Variants in COL11A1 observed in about 807,000 individuals in gnomAD.
COL11A1 encodes collagen alpha-1(XI) chain.
A neutral mutation model predicts 265.2 loss-of-function variants in COL11A1; 74 were observed. The observed-to-expected ratio is 0.28, with a 90% CI of 0.23 to 0.34. COL11A1 has a LOEUF of 0.34. COL11A1 is among the 10% of genes least tolerant of loss of function. The pLI is 1.00. For synonymous variants in COL11A1, 816 were observed against 727.6 expected, an observed-to-expected ratio of 1.12 and a Z score of -1.96; for missense variants, 2,165 against 2,263.6, an observed-to-expected ratio of 0.96 and a Z score of 0.88.
chr1:103,091,437 T>C (rs1356851843), intron 1 of COL11A1, among the ~76,000 whole-genome samples: 1 of 152,094 alleles, frequency 6.6e-6, no homozygotes, highest in African/African-American at 2.4e-5. Flanking sequence ...GAACCCTTTT[T>C]GGATGAAATT....
intron 1 of COL11A1, among the ~76,000 whole-genome samples, chr1:103,094,527 C>A (rs761134187): frequency 2.6e-5 from 4 of 152,018 alleles, no homozygotes; most frequent in Admixed American, 1.3e-4. Flanking sequence ...GGTGTGTCTG[C>A]GTCTCCTGCC....
At chr1:103,008,334 A>C in intron 15 of COL11A1, 129 bp downstream of exon 15, 2 of 709,270 alleles carry the variant, frequency 2.8e-6, no homozygotes, top group South Asian at 1.8e-5. Context: ...ATTTCAAAAT[A>C]AACCCTCATA....
chr1:103,029,140 G>A (rs796193837), intron 5 of COL11A1, among the ~76,000 whole-genome samples: 12 of 152,074 alleles, frequency 7.9e-5, no homozygotes, highest in African/African-American at 2.6e-4. Flanking sequence ...CTACTTAGAG[G>A]ATACTAAGTA....
At chr1:102,931,612 C>A (rs1657455490) in intron 46 of COL11A1, among the ~76,000 whole-genome samples, 1 of 152,032 alleles carries the variant, frequency 6.6e-6, no homozygotes, top group African/African-American at 2.4e-5. Flanking sequence ...ATTAGGTCCA[C>A]TTGGTGCAGA....
intron 57 of COL11A1, among the ~76,000 whole-genome samples, chr1:102,891,253 A>AAT (rs1651741634): frequency 6.6e-6 from 1 of 152,132 alleles, no homozygotes; most frequent in Non-Finnish European, 1.5e-5. Context: ...ATTCATGAAG[A>AAT]AGTTAGAGAT....
rs376888773 is a variant in COL11A1 at position 102,946,973 on chromosome 1, G to T, written c.3169-17C>A. The stretch of plus-strand genomic sequence containing the variant: ...TGGTGAGCCCTAGTATACAGGAAAA[G>T]AAGTATTTTGTTATTAAAGAAAGTA... On this transcript the variant is annotated splice_polypyrimidine_tract_variant and intron_variant, in intron 41 of 66. Transcript: ENST00000370096. The T allele has an allele frequency of 7.5e-6, 12 of 1,591,002 alleles. No homozygotes were observed. The highest frequency in any genetic ancestry group is 1.0e-5 in the Non-Finnish European group (12 of 1,163,188).
chr1:103,060,090 A>C (rs1252572790), intron 4 of COL11A1, among the ~76,000 whole-genome samples: 1 of 152,140 alleles, frequency 6.6e-6, no homozygotes, highest in East Asian at 1.9e-4. Flanking sequence ...GATAAATTTA[A>C]AAATATTAAA....
intron 4 of COL11A1, among the ~76,000 whole-genome samples, chr1:103,034,698 G>C (rs1668228684): frequency 6.6e-6 from 1 of 151,842 alleles, no homozygotes; most frequent in African/African-American, 2.4e-5. Context: ...CTTCTTCAAG[G>C]ACAGATCCTC....
At chr1:102,965,822 C>A (rs938946534) in intron 37 of COL11A1, among the ~76,000 whole-genome samples, 1 of 152,040 alleles carries the variant, frequency 6.6e-6, no homozygotes, top group African/African-American at 2.4e-5. Context: ...CTAGGTCAAA[C>A]AACATACAGA....
At chr1:102,941,298 T>C (rs968254219) in intron 42 of COL11A1, among the ~76,000 whole-genome samples, 1 of 152,174 alleles carries the variant, frequency 6.6e-6, no homozygotes, top group African/African-American at 2.4e-5. Context: ...GTATCCTTGT[T>C]CTGAGCTACT....
chr1:103,062,179 C>A lies in COL11A1; in HGVS notation c.651+12439G>T, dbSNP rs371916769. Among the ~76,000 whole-genome samples, 30 of 151,868 alleles carry A rather than the reference C, an allele frequency of 2.0e-4. No homozygotes were observed. The East Asian group carries it at 2.7e-3, about 14-fold the overall frequency. ...AAAAGGTCCAATAAGAAGATTGAAT[C>A]AAAAATTAATAAACTTTCTAAAGAG... On this transcript the variant is annotated intron_variant, in intron 4 of 66. Transcript: ENST00000370096.
rs1658604709 is a variant in COL11A1, at chr1:102,940,443, A to T, written c.3277-9T>A. 6.3e-7 allele frequency: 1 copy of T among 1,595,964 alleles called. No homozygotes were observed. The highest frequency in any genetic ancestry group is 8.6e-7 in the Non-Finnish European group (1 of 1,163,922). ...TGGGGACCTTTTTCTCCCTGTATTG[A>T]ATATCCAAAGATCATTAATTTTACA... is the stretch of plus-strand genomic sequence containing the variant. On this transcript the variant is annotated splice_polypyrimidine_tract_variant and intron_variant, in intron 42 of 66. Transcript: ENST00000370096.
chr1:102,928,087 C>T (rs1656844812), intron 46 of COL11A1, among the ~76,000 whole-genome samples: 1 of 151,768 alleles, frequency 6.6e-6, no homozygotes, highest in Non-Finnish European at 1.5e-5. Context: ...ATGAGAGGAC[C>T]CTTCTAATAT....
chr1:103,070,245 A>G (rs1487827184), intron 4 of COL11A1, among the ~76,000 whole-genome samples: 4 of 140,946 alleles, frequency 2.8e-5, no homozygotes, highest in South Asian at 2.3e-4. Flanking sequence ...ATAATATTAA[A>G]TACAATAAAC....
chr1:103,107,265 C>T (rs1441720864), intron 1 of COL11A1, among the ~76,000 whole-genome samples: 1 of 151,860 alleles, frequency 6.6e-6, no homozygotes, highest in Admixed American at 6.6e-5. Context: ...TCCTCCCACC[C>T]TACCCACACC....
intron 2 of COL11A1, among the ~76,000 whole-genome samples, chr1:103,081,471 CTT>C (rs1236146988): frequency 6.6e-6 from 1 of 151,648 alleles, no homozygotes; most frequent in African/African-American, 2.4e-5. Context: ...TTAATAATCA[CTT>C]TAACTTTTTT....
chr1:102,913,436 GT>G (rs1217520709), intron 53 of COL11A1, among the ~76,000 whole-genome samples, 200 bp downstream of exon 53: 2 of 152,018 alleles, frequency 1.3e-5, no homozygotes, highest in Non-Finnish European at 2.9e-5. Context: ...TATAAATACT[GT>G]TTATTAATTT....
chr1:103,004,339 A>G, intron 20 of COL11A1, 105 bp downstream of exon 20: 1 of 826,774 alleles, frequency 1.2e-6, no homozygotes, highest in South Asian at 1.5e-5. Flanking sequence ...CTTAGCTAAG[A>G]CTGCAATGTT....
At chr1:102,976,429 G>T (rs557271248) in intron 35 of COL11A1, among the ~76,000 whole-genome samples, 49 of 151,090 alleles carry the variant, frequency 3.2e-4, no homozygotes, top group African/African-American at 8.5e-4. Context: ...CTCCTGAGTA[G>T]CTGGGATTAC....
Sources: allele counts gnomAD v4.1 joint callset (sites outside exome capture counted in the v4.1 genomes callset), GRCh38; gene constraint gnomAD v4.1.1; transcripts MANE v1.5; gene names NCBI Gene and HGNC (gene_info 2026-07-23, HGNC 2026-07-21).